Variants in CRYM observed in about 807,000 individuals in gnomAD.
CRYM encodes crystallin mu.
Under a neutral mutation model 32.9 loss-of-function variants are expected in CRYM, and 18 were observed. The ratio of observed to expected loss-of-function variants is 0.55; its 90% CI spans 0.38 to 0.81. The LOEUF is 0.81. Among genes scored for constraint, CRYM ranks in the 30% least tolerant of loss-of-function variants. The probability of loss-of-function intolerance (pLI) is 0.00; values close to 1 mark genes in which losing one functional copy is unlikely to be tolerated. For missense variants in CRYM, 337 were observed against 393.5 expected, an observed-to-expected ratio of 0.86 and a Z score of 1.21; for synonymous variants, 153 against 152.4, an observed-to-expected ratio of 1.00 and a Z score of -0.03.
At chr16:21,263,314 T>C (rs546102162) in intron 5 of CRYM, among the ~76,000 whole-genome samples, 1 of 152,072 alleles carries the variant, frequency 6.6e-6, no homozygotes, top group African/African-American at 2.4e-5. Context: ...GGCAGGAGAA[T>C]CTCTTGAACC....
At chr16:21,275,258 G>A (rs1177537042) in intron 3 of CRYM, among the ~76,000 whole-genome samples, 1 of 152,212 alleles carries the variant, frequency 6.6e-6, no homozygotes, top group Non-Finnish European at 1.5e-5. Flanking sequence ...CATATTCCTT[G>A]ACCTGGAAGG....
Position 21,278,117 on chromosome 16 carries a change from G to A in CRYM, c.135C>T (p.Pro45=). The A allele has an allele frequency of 1.3e-6, 2 of 1,548,650 alleles. No individual in the cohort carries two copies. Among genetic ancestry groups the A allele is most frequent in the Non-Finnish European group, 1.7e-6 (2 of 1,147,060 alleles). ...TGGTCACCGGCACCACGGTGCGCAC[G>A]GGCTGCATGACCCCTCCTTCGGGAC... ...SSGPEGGVMQ[P]VRTVVPVTKH... Residue 45 remains proline (P), a synonymous_variant, in exon 1 of 8, where the codon CCC becomes CCT. Transcript: ENST00000572914.
intron 1 of CRYM, among the ~76,000 whole-genome samples, chr16:21,299,282 A>G (rs1292566054): frequency 6.6e-6 from 1 of 151,932 alleles, no homozygotes. Context: ...TCTCGTAGCA[A>G]CATTAGGCTT....
intron 3 of CRYM, among the ~76,000 whole-genome samples, chr16:21,273,206 T>C (rs1391685997): frequency 6.6e-6 from 1 of 152,100 alleles, no homozygotes; most frequent in African/African-American, 2.4e-5. Flanking sequence ...GCACAAAAAA[T>C]GTATTATGTT....
chr16:21,272,962 C>A (rs1035856124), intron 3 of CRYM, among the ~76,000 whole-genome samples: 2 of 151,716 alleles, frequency 1.3e-5, no homozygotes, highest in African/African-American at 4.8e-5. Flanking sequence ...GCCACTGCGC[C>A]CAGCCTATTG....
At chr16:21,290,719 G>A (rs1019688708) in intron 1 of CRYM, among the ~76,000 whole-genome samples, 3 of 152,072 alleles carry the variant, frequency 2.0e-5, no homozygotes, top group Admixed American at 6.5e-5. Context: ...TTCATAAACT[G>A]TTATACATAT....
At chr16:21,265,765 C>T (rs533952120) in intron 5 of CRYM, among the ~76,000 whole-genome samples, 2 of 152,356 alleles carry the variant, frequency 1.3e-5, no homozygotes, top group African/African-American at 4.8e-5. Context: ...ATGTGCTTGT[C>T]ACTAAAACAC....
At chr16:21,295,622 G>A (rs1597631937) in intron 1 of CRYM, among the ~76,000 whole-genome samples, 1 of 152,142 alleles carries the variant, frequency 6.6e-6, no homozygotes, top group South Asian at 2.1e-4. Flanking sequence ...ATGGTATAAA[G>A]TTATTTGTAA....
At chr16:21,295,451 G>T (rs1207546078) in intron 1 of CRYM, among the ~76,000 whole-genome samples, 2 of 151,976 alleles carry the variant, frequency 1.3e-5, no homozygotes, top group Non-Finnish European at 2.9e-5. Context: ...TTATGTGTTT[G>T]TTGGCTTCAT....
chr16:21,265,488 T>C (rs568787013), intron 5 of CRYM, among the ~76,000 whole-genome samples: 3 of 152,310 alleles, frequency 2.0e-5, no homozygotes, highest in East Asian at 1.9e-4. Flanking sequence ...ACCCAGGGCC[T>C]TGTTCTTTCC....
intron 1 of CRYM, among the ~76,000 whole-genome samples, chr16:21,296,261 A>G (rs1226863907): frequency 2.0e-5 from 3 of 152,222 alleles, no homozygotes; most frequent in Non-Finnish European, 2.9e-5. Context: ...TAAACATTTA[A>G]GAAACACTTA....
rs181309964 is a variant in CRYM, at chr16:21,288,088, G to A, written c.-192-9128C>T. On this transcript the variant is annotated intron_variant, in intron 1 of 9. Transcript: ENST00000219599. ...CACAAGGGAAATTCGAAAATACTTT[G>A]TAGTGCTAGAATTGAATTCAATTGT... Among the ~76,000 whole-genome samples the A allele has an allele frequency of 2.8e-4, 43 of 152,302 alleles. No individual in the cohort carries two copies. The East Asian group carries it at 3.9e-3, about 14-fold the overall frequency.
intron 1 of CRYM, among the ~76,000 whole-genome samples, chr16:21,295,443 ATG>A (rs1440182029): frequency 6.6e-6 from 1 of 151,548 alleles, no homozygotes; most frequent in African/African-American, 2.4e-5. Flanking sequence ...GCTTTTTTTT[ATG>A]TGTTTGTTGG....
At chr16:21,264,397 G>T (rs1173901840) in intron 5 of CRYM, among the ~76,000 whole-genome samples, 1 of 152,122 alleles carries the variant, frequency 6.6e-6, no homozygotes, top group Non-Finnish European at 1.5e-5. Context: ...GATGGAGGTG[G>T]GCCAGGCAGT....
At chr16:21,302,228 T>C (rs939909077) in intron 1 of CRYM, among the ~76,000 whole-genome samples, 3 of 152,250 alleles carry the variant, frequency 2.0e-5, no homozygotes, top group African/African-American at 7.2e-5. Context: ...TGCTGTGACC[T>C]ATGGCAAATT....
rs144588424 is a variant in CRYM at position 21,261,327 on chromosome 16, A to G, written c.807T>C (p.Phe269=). 5.2e-3 allele frequency: 8,436 copies of G among 1,614,054 alleles called. 33 individuals carry two copies. Among genetic ancestry groups the G allele is most frequent in the Non-Finnish European group, 6.1e-3 (7,178 of 1,179,972 alleles). Residue 269 remains phenylalanine, a synonymous_variant, in exon 7 of 8, where the codon TTT becomes TTC. Transcript: ENST00000572914. ...GDVLLSGAEI[F]AELGEVIKGV... ...CCTTAATCACTTCTCCCAGCTCAGCAAAGATCTCGGCCTAGGAAACAAACA... is the reference window on the plus strand; with the variant it reads ...CCTTAATCACTTCTCCCAGCTCAGCGAAGATCTCGGCCTAGGAAACAAACA...
intron 1 of CRYM, among the ~76,000 whole-genome samples, chr16:21,287,857 TGA>T (rs1179998187): frequency 2.0e-5 from 3 of 152,198 alleles, no homozygotes; most frequent in Non-Finnish European, 4.4e-5. Flanking sequence ...CTTAGTTCTG[TGA>T]GTTGTTTTTA....
intron 1 of CRYM, among the ~76,000 whole-genome samples, chr16:21,301,944 G>A (rs970710849): frequency 6.6e-6 from 1 of 152,226 alleles, no homozygotes; most frequent in Admixed American, 6.5e-5. Context: ...CCCTGCGCTT[G>A]CAGCTGCTCC....
At chr16:21,294,976 T>C (rs1271346529) in intron 1 of CRYM, among the ~76,000 whole-genome samples, 1 of 152,180 alleles carries the variant, frequency 6.6e-6, no homozygotes, top group Non-Finnish European at 1.5e-5. Flanking sequence ...ATTATAGGCG[T>C]GAACCACCAC....
Sources: allele counts gnomAD v4.1 joint callset (sites outside exome capture counted in the v4.1 genomes callset), GRCh38; gene constraint gnomAD v4.1.1; transcripts MANE v1.5; gene names NCBI Gene and HGNC (gene_info 2026-07-23, HGNC 2026-07-21).